Variants in ZNF385C observed in about 807,000 individuals in gnomAD.
ZNF385C encodes CTD-2132N18.2.
ZNF385C carries 28 observed loss-of-function variants against 35.4 expected under a neutral mutation model. That is an observed-to-expected ratio of 0.79 (90% CI 0.59 to 1.08). The LOEUF (loss-of-function observed/expected upper bound fraction) is 1.08, where lower values mean the gene tolerates loss of function less well. Among genes scored for constraint, ZNF385C ranks in the 50% least tolerant of loss-of-function variants. The pLI is 0.00. For missense variants in ZNF385C, 605 were observed against 595.6 expected, an observed-to-expected ratio of 1.02 and a Z score of -0.16; for synonymous variants, 248 against 248.2, an observed-to-expected ratio of 1.00 and a Z score of 0.01.
At position 42,028,170 on chromosome 17, in the gene ZNF385C, TC is replaced by T; in HGVS notation, c.1043del (p.Gly348GlufsTer39). On this transcript the variant is annotated frameshift_variant, in exon 7 of 9. Transcript: ENST00000692273. LOFTEE classifies it high-confidence loss of function. Reference protein sequence around the residue: ...RRSRGRPVSRGGAGHKAKRVT... With the variant: ...RRSRGRPVSRXGAGHKAKRVT... Reference sequence around the variant, plus strand: ...CTCTCTTGGCTTTGTGTCCGGCACCTCCCCTGGACACCGGGCGGCCCCGGCT... The same window carrying T: ...CTCTCTTGGCTTTGTGTCCGGCACCTCCCTGGACACCGGGCGGCCCCGGCT... 3.7e-6 allele frequency: 6 copies of T among 1,603,528 alleles called. No individual in the cohort carries two copies. Among genetic ancestry groups the T allele is most frequent in the Non-Finnish European group, 5.1e-6 (6 of 1,175,596 alleles).
chr17:42,040,412 C>A (rs1239740663), intron 2 of ZNF385C: 3 of 1,231,978 alleles, frequency 2.4e-6, no homozygotes, highest in Non-Finnish European at 2.0e-6. Flanking sequence ...CCGCGCTGAG[C>A]TTGGAGGGAG....
intron 1 of ZNF385C, among the ~76,000 whole-genome samples, chr17:42,074,473 C>G (rs910525127): frequency 6.6e-6 from 1 of 151,608 alleles, no homozygotes; most frequent in Non-Finnish European, 1.5e-5. Context: ...CTCACTGCAA[C>G]CTCCATCTCC....
chr17:42,092,668 T>C, intron 1 of ZNF385C, among the ~76,000 whole-genome samples: 1 of 152,154 alleles, frequency 6.6e-6, no homozygotes, highest in East Asian at 1.9e-4. Flanking sequence ...CCACACCCCA[T>C]GTGTCCCTCT....
intron 2 of ZNF385C, among the ~76,000 whole-genome samples, chr17:42,045,168 C>T (rs1217706596): frequency 6.6e-6 from 1 of 152,166 alleles, no homozygotes; most frequent in South Asian, 2.1e-4. Flanking sequence ...CCGTCCGCCT[C>T]GGCCTCCCAA....
intron 1 of ZNF385C, among the ~76,000 whole-genome samples, chr17:42,075,487 T>C (rs1384672134): frequency 6.6e-6 from 1 of 151,154 alleles, no homozygotes; most frequent in African/African-American, 2.4e-5. Context: ...CATTCCTTTA[T>C]ACTCCTTTTT....
intron 2 of ZNF385C, among the ~76,000 whole-genome samples, chr17:42,041,800 C>T (rs2053029086): frequency 1.3e-5 from 2 of 152,138 alleles, no homozygotes; most frequent in Non-Finnish European, 2.9e-5. Context: ...ATAGGACTTA[C>T]ACAGTTAGTA....
chr17:42,087,250 A>G (rs2053818596), intron 1 of ZNF385C, among the ~76,000 whole-genome samples: 1 of 152,250 alleles, frequency 6.6e-6, no homozygotes, highest in Non-Finnish European at 1.5e-5. Context: ...TAAAAAATAA[A>G]TGCAATTCAA....
rs181657975 is a variant in ZNF385C at position 42,087,294 on chromosome 17, G to A, written c.-3+11116C>T. ...TTCCAATAAGTAGGCATATATGCAC[G>A]CTGGGACTAGTGCTCATTGCTTAAA... On this transcript the variant is annotated intron_variant, in intron 1 of 8. Transcript: ENST00000692273. 2.6e-5 allele frequency among the ~76,000 whole-genome samples: 4 copies of A among 152,160 alleles called. No individual in the cohort carries two copies. In the East Asian group the frequency reaches 5.8e-4, roughly 22 times the overall value.
chr17:42,040,828 G>T, intron 2 of ZNF385C: 1 of 1,232,350 alleles, frequency 8.1e-7, no homozygotes, highest in Non-Finnish European at 1.0e-6. Context: ...CTCAGGATCT[G>T]TCCGGCCAGG....
At chr17:42,038,316 TCTAA>T (rs1191522361) in intron 2 of ZNF385C, 6 of 472,452 alleles carry the variant, frequency 1.3e-5, no homozygotes, top group Non-Finnish European at 2.3e-5. Flanking sequence ...CCTCTCACTC[TCTAA>T]CTATCCTCCC....
At chr17:42,080,280 T>TA (rs2053734630) in intron 1 of ZNF385C, among the ~76,000 whole-genome samples, 1 of 152,182 alleles carries the variant, frequency 6.6e-6, no homozygotes, top group South Asian at 2.1e-4. Context: ...CCTTTCCTCT[T>TA]ACTTAAAGAG....
chr17:42,028,587 G>T (rs1322367750), intron 6 of ZNF385C, 196 bp downstream of exon 6: 1 of 715,358 alleles, frequency 1.4e-6, no homozygotes, highest in Non-Finnish European at 2.2e-6. Flanking sequence ...TGCTGCCTCA[G>T]ACTTCTCTTC....
intron 1 of ZNF385C, among the ~76,000 whole-genome samples, chr17:42,070,269 G>A (rs984918920): frequency 7.2e-5 from 11 of 152,146 alleles, no homozygotes; most frequent in African/African-American, 1.4e-4. Flanking sequence ...GCGTGAACCC[G>A]GGAGGCGGAG....
intron 2 of ZNF385C, among the ~76,000 whole-genome samples, chr17:42,046,964 G>A (rs2053174696): frequency 6.6e-6 from 1 of 150,744 alleles, no homozygotes; most frequent in Non-Finnish European, 1.5e-5. Context: ...CCGGATTCAA[G>A]CGATTCTCCC....
chr17:42,057,499 C>CGTGTGTGTGTGTGTGT (rs202100946), intron 2 of ZNF385C, among the ~76,000 whole-genome samples: 48 of 131,722 alleles, frequency 3.6e-4, no homozygotes, highest in Non-Finnish European at 6.9e-4. Context: ...TAGGGGTGTG[C>CGTGTGTGTGTGTGTGT]GCGCGCGCGC....
Position 42,092,403 on chromosome 17 carries a change from C to CA in ZNF385C, c.-3+6006dup, listed in dbSNP as rs1286021105. Among the ~76,000 whole-genome samples the CA allele has an allele frequency of 8.7e-3, 1,186 of 136,626 alleles. 9 individuals carry two copies. Among genetic ancestry groups the CA allele is most frequent in the African/African-American group, 0.017 (633 of 37,120 alleles). 89.6% of individuals were successfully genotyped at this position (136,626 alleles called of 152,430 possible). On this transcript the variant is annotated intron_variant, in intron 1 of 8. Coordinates refer to ENST00000692273, the MANE Select transcript of ZNF385C (RefSeq NM_001392013.1). ...GCAACAGAGCAAGCGAGATTCGTGT[C>CA]AAAAAAAAAAAAGAATTTTGATCTC...
chr17:42,038,238 G>A, intron 2 of ZNF385C: 2 of 561,926 alleles, frequency 3.6e-6, no homozygotes, highest in Middle Eastern at 9.3e-4. Flanking sequence ...TGCATGATGT[G>A]CTGGGATTCC....
chr17:42,058,610 G>A (rs1242797955), intron 2 of ZNF385C, among the ~76,000 whole-genome samples: 2 of 152,214 alleles, frequency 1.3e-5, no homozygotes, highest in Non-Finnish European at 1.5e-5. Context: ...GGGGCCCAAC[G>A]TGCTCCCCCT....
chr17:42,037,684 G>C (rs761810747), intron 3 of ZNF385C, 53 bp downstream of exon 3: 206 of 1,459,864 alleles, frequency 1.4e-4, no homozygotes, highest in Non-Finnish European at 1.8e-4. Context: ...CCCACCTTCT[G>C]TGCCCACCCA....
Sources: gnomAD v4.1 joint callset for allele counts (sites outside exome capture counted in the v4.1 genomes callset) on GRCh38, gnomAD v4.1.1 for gene constraint, MANE v1.5 for transcripts, NCBI Gene and HGNC (gene_info 2026-07-23, HGNC 2026-07-21) for gene names.